PCDH15: variants seen among roughly 807,000 people sequenced by gnomAD.
PCDH15 encodes the protein protocadherin related 15.
Under a neutral mutation model 178.5 loss-of-function variants are expected in PCDH15, and 129 were observed. That is an observed-to-expected ratio of 0.72 (90% confidence interval 0.63 to 0.84). The LOEUF (loss-of-function observed/expected upper bound fraction) is 0.84, where lower values mean the gene tolerates loss of function less well. Among genes scored for constraint, PCDH15 ranks in the 40% least tolerant of loss-of-function variants. The probability of loss-of-function intolerance (pLI) is 0.00; values close to 1 mark genes in which losing one functional copy is unlikely to be tolerated. For missense variants in PCDH15, 2,230 were observed against 2,099.9 expected (o/e 1.06, Z -1.21); for synonymous variants, 800 against 732.0 (o/e 1.09, Z -1.50).
At chr10:53,898,610 TA>T (rs1335030867) in intron 26 of PCDH15, among the ~76,000 whole-genome samples, 4 of 152,166 alleles carry the variant, frequency 2.6e-5, no homozygotes, top group African/African-American at 9.7e-5. Flanking sequence ...TTCATGTACT[TA>T]AATGTGACAT....
intron 1 of PCDH15, among the ~76,000 whole-genome samples, chr10:55,279,106 C>T (rs564244833): frequency 2.0e-5 from 3 of 152,224 alleles, no homozygotes; most frequent in East Asian, 3.9e-4. Context: ...AGAGCCATTC[C>T]GTTTACAACT....
intron 2 of PCDH15, among the ~76,000 whole-genome samples, chr10:54,566,835 T>G (rs1001640946): frequency 7.2e-5 from 11 of 152,196 alleles, no homozygotes; most frequent in Admixed American, 7.2e-4. Flanking sequence ...TTTCAGCTTC[T>G]TTGGGTAAAT....
At chr10:54,706,874 G>A (rs1306052737) in intron 1 of PCDH15, among the ~76,000 whole-genome samples, 1 of 151,994 alleles carries the variant, frequency 6.6e-6, no homozygotes. Flanking sequence ...TTCCCACCTT[G>A]GCCTCCCAAA....
chr10:55,217,246 C>G (rs1184156901), intron 1 of PCDH15, among the ~76,000 whole-genome samples: 1 of 151,838 alleles, frequency 6.6e-6, no homozygotes, highest in African/African-American at 2.4e-5. Context: ...TTACTTTTAT[C>G]TCTTACTCAC....
chr10:55,010,649 G>T (rs1422372237), intron 2 of PCDH15, among the ~76,000 whole-genome samples: 1 of 151,696 alleles, frequency 6.6e-6, no homozygotes, highest in Non-Finnish European at 1.5e-5. Flanking sequence ...CAGAAGGAGG[G>T]CAGTCTTAAT....
intron 3 of PCDH15, among the ~76,000 whole-genome samples, chr10:54,461,856 TATG>T (rs907129651): frequency 6.6e-6 from 1 of 152,116 alleles, no homozygotes; most frequent in African/African-American, 2.4e-5. Flanking sequence ...ACCAAATTCT[TATG>T]ATAAGGATTT....
At chr10:55,497,459 T>A (rs183807654) in intron 2 of PCDH15, among the ~76,000 whole-genome samples, 19 of 151,918 alleles carry the variant, frequency 1.3e-4, no homozygotes, top group Non-Finnish European at 1.5e-5. Flanking sequence ...AAACCTTTGA[T>A]TTCGAGTTGG....
chr10:55,550,271 G>A (rs1841977701), intron 2 of PCDH15, among the ~76,000 whole-genome samples: 1 of 151,986 alleles, frequency 6.6e-6, no homozygotes, highest in Non-Finnish European at 1.5e-5. Flanking sequence ...AATGATGGGT[G>A]GTGAAACTTA....
At chr10:54,555,884 T>C (rs2087195375) in intron 2 of PCDH15, among the ~76,000 whole-genome samples, 1 of 152,126 alleles carries the variant, frequency 6.6e-6, no homozygotes, top group South Asian at 2.1e-4. Flanking sequence ...TCTACTGATA[T>C]TGGCTGAATT....
chr10:53,985,382 T>G (rs1230498402), intron 21 of PCDH15, among the ~76,000 whole-genome samples: 1 of 152,168 alleles, frequency 6.6e-6, no homozygotes, highest in Non-Finnish European at 1.5e-5. Context: ...CTGGTATATG[T>G]TAGAAAGTTC....
chr10:54,766,630 A>T (rs1948540444), intron 1 of PCDH15, among the ~76,000 whole-genome samples: 1 of 151,960 alleles, frequency 6.6e-6, no homozygotes, highest in African/African-American at 2.4e-5. Context: ...GTCAGAAGTT[A>T]AAAAAAGTAG....
At chr10:54,771,648 T>G (rs1320139548) in intron 1 of PCDH15, among the ~76,000 whole-genome samples, 1 of 151,982 alleles carries the variant, frequency 6.6e-6, no homozygotes, top group Admixed American at 6.6e-5. Flanking sequence ...TTAACAAAAT[T>G]GCCAATCCAA....
chr10:55,417,244 G>C (rs1195685128), intron 2 of PCDH15, among the ~76,000 whole-genome samples: 1 of 151,602 alleles, frequency 6.6e-6, no homozygotes, highest in Non-Finnish European at 1.5e-5. Context: ...TTGAGATCTT[G>C]TGGCCCCCAA....
At chr10:54,300,183 G>T (rs952819146) in intron 8 of PCDH15, among the ~76,000 whole-genome samples, 1 of 152,004 alleles carries the variant, frequency 6.6e-6, no homozygotes, top group Non-Finnish European at 1.5e-5. Flanking sequence ...AACCAGTCAG[G>T]GATAGTAAGA....
chr10:53,890,083 A>T (rs1483297454), intron 26 of PCDH15, among the ~76,000 whole-genome samples: 2 of 152,204 alleles, frequency 1.3e-5, no homozygotes, highest in Non-Finnish European at 2.9e-5. Flanking sequence ...GTGATTTTGC[A>T]TATGCAGGTT....
intron 2 of PCDH15, among the ~76,000 whole-genome samples, chr10:54,583,652 CT>C (rs1454218878): frequency 1.3e-5 from 2 of 151,968 alleles, no homozygotes; most frequent in African/African-American, 4.8e-5. Flanking sequence ...CTCCCAATTT[CT>C]ACTAAAAAAA....
At chr10:54,206,766 C>T (rs751826134) in intron 10 of PCDH15, among the ~76,000 whole-genome samples, 1 of 151,960 alleles carries the variant, frequency 6.6e-6, no homozygotes, top group Non-Finnish European at 1.5e-5. Flanking sequence ...GAGTTTTAGC[C>T]TACAAGTTTT....
chr10:54,358,876 C>T (rs560158771), intron 5 of PCDH15, among the ~76,000 whole-genome samples: 5 of 151,752 alleles, frequency 3.3e-5, no homozygotes, highest in African/African-American at 9.7e-5. Context: ...ATGGATGAAA[C>T]TGGAAATCAT....
chr10:53,908,433 T>C (rs2082832450), intron 25 of PCDH15, among the ~76,000 whole-genome samples: 2 of 152,254 alleles, frequency 1.3e-5, no homozygotes, highest in Admixed American at 6.5e-5. Context: ...ATGTGGAACT[T>C]ATCAAAATAT....
Sources: gnomAD v4.1 joint callset for allele counts (sites outside exome capture counted in the v4.1 genomes callset) on GRCh38, gnomAD v4.1.1 for gene constraint, MANE v1.5 for transcripts, NCBI Gene and HGNC (gene_info 2026-07-23, HGNC 2026-07-21) for gene names.